SYT2: variants seen among roughly 807,000 people sequenced by gnomAD.
The protein encoded by SYT2 is synaptotagmin 2.
SYT2 carries 15 observed loss-of-function variants against 39.9 expected under a neutral mutation model. That is an observed-to-expected ratio of 0.38 (90% CI 0.25 to 0.58). SYT2 has a LOEUF of 0.58. Ranked by LOEUF, SYT2 falls within the 20% of genes least tolerant of loss-of-function variation. The pLI is 0.70. For missense variants in SYT2, 389 were observed against 530.3 expected, an observed-to-expected ratio of 0.73 and a Z score of 2.62; for synonymous variants, 181 against 204.5, an observed-to-expected ratio of 0.89 and a Z score of 0.98.
At chr1:202,609,037 C>T (rs1450173238) in intron 1 of SYT2, among the ~76,000 whole-genome samples, 2 of 119,766 alleles carry the variant, frequency 1.7e-5, no homozygotes, top group Non-Finnish European at 3.4e-5. Flanking sequence ...CTCCCCCCAC[C>T]CCACAACAGG....
intron 1 of SYT2, among the ~76,000 whole-genome samples, chr1:202,638,768 C>G (rs533094278): frequency 1.3e-5 from 2 of 152,244 alleles, no homozygotes; most frequent in Admixed American, 6.5e-5. Context: ...GCCCCTACCC[C>G]GCCCCATCCC....
Position 202,596,302 on chromosome 1 carries a change from C to CACAT in SYT2, c.*454_*455insATGT, listed in dbSNP as rs1163591228. 173 of 45,822 alleles carry CACAT rather than the reference C, an allele frequency of 3.8e-3. 1 individual carries two copies. Among genetic ancestry groups the CACAT allele is most frequent in the East Asian group, 0.019 (29 of 1,530 alleles). 2.8% of individuals were successfully genotyped at this position (45,822 alleles called of 1,614,324 possible). A position where few individuals can be genotyped will look rare whatever the true frequency, so the allele number is the denominator to read the frequency against. The stretch of plus-strand genomic sequence containing the variant: ...ACACACACACACACACACACACACA[C>CACAT]ACACATACACACACACACACACACA... On this transcript the variant is annotated 3_prime_UTR_variant, in exon 9 of 9. Coordinates refer to ENST00000367268, the MANE Select transcript of SYT2 (RefSeq NM_177402.5).
At chr1:202,627,400 C>T (rs1376557953) in intron 1 of SYT2, 15 of 975,890 alleles carry the variant, frequency 1.5e-5, no homozygotes, top group East Asian at 1.1e-4. Context: ...TGGCAACCTC[C>T]GTCCCATCAA....
intron 1 of SYT2, among the ~76,000 whole-genome samples, chr1:202,642,202 C>T (rs925612773): frequency 6.6e-6 from 1 of 152,100 alleles, no homozygotes; most frequent in East Asian, 1.9e-4. Context: ...TGGAAGCTTT[C>T]GGACTCTCCC....
At chr1:202,689,290 AACACGTGTGC>A (rs1444500385) in intron 1 of SYT2, among the ~76,000 whole-genome samples, 3 of 152,038 alleles carry the variant, frequency 2.0e-5, no homozygotes, top group Non-Finnish European at 4.4e-5. Flanking sequence ...CCTCAACACA[AACACGTGTGC>A]ACACGTGTGC....
intron 1 of SYT2, among the ~76,000 whole-genome samples, chr1:202,663,984 C>T (rs564407690): frequency 5.1e-4 from 77 of 152,276 alleles, no homozygotes; most frequent in African/African-American, 1.8e-3. Flanking sequence ...AGCACAGTGC[C>T]CTCTGGAATC....
chr1:202,649,558 G>C (rs781265369), intron 1 of SYT2, among the ~76,000 whole-genome samples: 1 of 152,168 alleles, frequency 6.6e-6, no homozygotes, highest in African/African-American at 2.4e-5. Context: ...AAAATAACTT[G>C]TCCAAGGTCA....
chr1:202,683,857 G>A (rs1357970850), intron 1 of SYT2, among the ~76,000 whole-genome samples: 1 of 152,000 alleles, frequency 6.6e-6, no homozygotes, highest in Non-Finnish European at 1.5e-5. Context: ...CATTCACTAA[G>A]GATCATTTCC....
intron 1 of SYT2, among the ~76,000 whole-genome samples, chr1:202,640,445 G>A (rs1362038163): frequency 1.3e-5 from 2 of 152,128 alleles, no homozygotes; most frequent in Non-Finnish European, 2.9e-5. Flanking sequence ...GGTCCTGGGA[G>A]TCCCCCTCCA....
intron 1 of SYT2, among the ~76,000 whole-genome samples, chr1:202,611,567 G>A (rs1218483975): frequency 1.3e-5 from 2 of 152,084 alleles, no homozygotes; most frequent in Non-Finnish European, 2.9e-5. Flanking sequence ...TGTTGGCCAG[G>A]CTGGTCCCAA....
At chr1:202,662,403 A>G (rs1181364602) in intron 1 of SYT2, among the ~76,000 whole-genome samples, 1 of 152,272 alleles carries the variant, frequency 6.6e-6, no homozygotes, top group Non-Finnish European at 1.5e-5. Flanking sequence ...TCTAATTAGT[A>G]ATGATGCTCA....
chr1:202,643,925 G>A (rs1173790471), intron 1 of SYT2, among the ~76,000 whole-genome samples: 1 of 152,244 alleles, frequency 6.6e-6, no homozygotes, highest in Non-Finnish European at 1.5e-5. Flanking sequence ...GATTAGCTGG[G>A]GGAGGGGACC....
intron 1 of SYT2, among the ~76,000 whole-genome samples, chr1:202,687,107 C>T (rs12046408): frequency 0.3 from 44,954 of 151,894 alleles, 6,940 homozygotes; most frequent in South Asian, 0.41. Context: ...CTTTATATCA[C>T]CACGGCTTAG....
chr1:202,667,466 CGT>C (rs35072265), intron 1 of SYT2, among the ~76,000 whole-genome samples: 21,229 of 140,262 alleles, frequency 0.15, 1,779 homozygotes, highest in African/African-American at 0.23. Flanking sequence ...AGTGACCAGC[CGT>C]GTGTGTGTGT....
chr1:202,617,200 G>A lies in SYT2; in HGVS notation c.-17-11411C>T, dbSNP rs532637298. ...TTGTATATGCTGTGCCCCCTTCAAG[G>A]AGCCAAAGCCTATGATACAGTTTGG... On this transcript the variant is annotated intron_variant, in intron 1 of 8. Coordinates refer to ENST00000367268, the MANE Select transcript of SYT2 (RefSeq NM_177402.5). 7.2e-5 allele frequency among the ~76,000 whole-genome samples: 11 copies of A among 152,240 alleles called. No homozygotes were observed. In the South Asian group the frequency reaches 1.5e-3, roughly 20 times the overall value.
rs1441375864 is a variant in SYT2, at chr1:202,590,660, G to A, written c.*6097C>T. ...ATTACAAAATAACAATTTGACAAGA[G>A]ATCAGACAAGAACAAGAGTCCACAT... On this transcript the variant is annotated 3_prime_UTR_variant, in exon 9 of 9. Transcript: ENST00000367268. 1 of 150,878 alleles carries A rather than the reference G, an allele frequency of 6.6e-6. No homozygotes were observed. The highest frequency in any genetic ancestry group is 1.5e-5 in the Non-Finnish European group (1 of 67,908). 9.3% of individuals were successfully genotyped at this position (150,878 alleles called of 1,614,324 possible). A position where few individuals can be genotyped will look rare whatever the true frequency, so the allele number is the denominator to read the frequency against.
intron 1 of SYT2, among the ~76,000 whole-genome samples, chr1:202,668,137 C>T (rs1213648953): frequency 6.6e-6 from 1 of 152,180 alleles, no homozygotes; most frequent in African/African-American, 2.4e-5. Context: ...CTATAGCCCC[C>T]CAGAGTATAA....
At chr1:202,624,932 G>GAT (rs1691332741) in intron 1 of SYT2, among the ~76,000 whole-genome samples, 1 of 16,268 alleles carries the variant, frequency 6.1e-5, no homozygotes, top group Non-Finnish European at 1.8e-4. Flanking sequence ...GTGTCTGTGT[G>GAT]GTGTGTTTGT....
intron 1 of SYT2, among the ~76,000 whole-genome samples, chr1:202,638,136 C>T (rs1258230702): frequency 5.3e-5 from 8 of 152,192 alleles, no homozygotes; most frequent in Non-Finnish European, 7.3e-5. Flanking sequence ...TGCTAAGATG[C>T]GATTCCATGA....
Sources: gnomAD v4.1 joint callset for allele counts (sites outside exome capture counted in the v4.1 genomes callset) on GRCh38, gnomAD v4.1.1 for gene constraint, MANE v1.5 for transcripts, NCBI Gene and HGNC (gene_info 2026-07-23, HGNC 2026-07-21) for gene names.